The following PPP2R2C variants were observed in gnomAD, a reference collection of about 807,000 sequenced individuals.
PPP2R2C encodes the protein protein phosphatase 2 regulatory subunit Bgamma, also known as protein phosphatase 2, regulatory subunit B, gamma.
Under a neutral mutation model 45.3 loss-of-function variants are expected in PPP2R2C, and 10 were observed. The observed-to-expected ratio is 0.22, with a 90% CI of 0.14 to 0.37. The LOEUF is 0.37. Among genes scored for constraint, PPP2R2C ranks in the 10% least tolerant of loss-of-function variants. PPP2R2C has a pLI of 1.00. For synonymous variants in PPP2R2C, 257 were observed against 245.4 expected (o/e 1.05, Z -0.44); for missense variants, 308 against 619.7 (o/e 0.50, Z 5.34).
At chr4:6,480,328 T>C (rs934004860) in intron 2 of PPP2R2C, among the ~76,000 whole-genome samples, 1 of 152,214 alleles carries the variant, frequency 6.6e-6, no homozygotes, top group Non-Finnish European at 1.5e-5. Context: ...AAACAATCAA[T>C]GGTGTGCCGG....
rs1452730812 is a variant in PPP2R2C at position 6,329,675 on chromosome 4, T to C, written c.961-322A>G. Among the ~76,000 whole-genome samples the C allele has an allele frequency of 1.3e-5, 2 of 150,590 alleles. No individual in the cohort carries two copies. Among genetic ancestry groups the C allele is most frequent in the Non-Finnish European group, 1.5e-5 (1 of 67,856 alleles). On this transcript the variant is annotated intron_variant, in intron 7 of 8. Coordinates refer to ENST00000382599, the MANE Select transcript of PPP2R2C (RefSeq NM_020416.4). This position sits in a 1 kb window ranked among gnomAD's most constrained non-coding sequence, Gnocchi z 5.8. ...ACAGCCCAATACAGCCCTGCTCATCTTATCGGGGGCCCACGACCAGGCACA... is the reference window on the plus strand; with the variant it reads ...ACAGCCCAATACAGCCCTGCTCATCCTATCGGGGGCCCACGACCAGGCACA...
At chr4:6,374,269 C>T (rs1365173940) in intron 4 of PPP2R2C, among the ~76,000 whole-genome samples, 1 of 152,144 alleles carries the variant, frequency 6.6e-6, no homozygotes, top group Non-Finnish European at 1.5e-5. Context: ...TCTGTTTTCT[C>T]CAGGCGGCCT....
chr4:6,328,279 C>T lies in PPP2R2C; in HGVS notation c.1052+983G>A, dbSNP rs1732116105. Among the ~76,000 whole-genome samples, 1 of 152,174 alleles carries T rather than the reference C, an allele frequency of 6.6e-6. No individual in the cohort carries two copies. Among genetic ancestry groups the T allele is most frequent in the African/African-American group, 2.4e-5 (1 of 41,448 alleles). ...ACAGGTGGTATTCTGATCTAGCAGCCAGTGTAGTCTTTATCTCCACACTGT... is the reference window on the plus strand; with the variant it reads ...ACAGGTGGTATTCTGATCTAGCAGCTAGTGTAGTCTTTATCTCCACACTGT... On this transcript the variant is annotated intron_variant, in intron 8 of 8. Coordinates refer to ENST00000382599, the MANE Select transcript of PPP2R2C (RefSeq NM_020416.4). The surrounding 1 kb of genome is among the most constrained non-coding windows in gnomAD (Gnocchi z 4.4).
At chr4:6,509,375 A>G (rs771579040) in intron 2 of PPP2R2C, among the ~76,000 whole-genome samples, 1 of 152,184 alleles carries the variant, frequency 6.6e-6, no homozygotes, top group African/African-American at 2.4e-5. Context: ...CATGTCAAAG[A>G]TTTATTAGCT....
At chr4:6,562,474 G>GC (rs958760194) in intron 1 of PPP2R2C, among the ~76,000 whole-genome samples, 5 of 43,912 alleles carry the variant, frequency 1.1e-4, no homozygotes, top group Admixed American at 5.9e-4. Context: ...GAGTCGGGGG[G>GC]GGGGGTTGGA....
At chr4:6,449,707 C>T (rs965855463) in intron 1 of PPP2R2C, among the ~76,000 whole-genome samples, 4 of 152,256 alleles carry the variant, frequency 2.6e-5, no homozygotes, top group African/African-American at 9.6e-5. Flanking sequence ...GCCTGCCACC[C>T]TGGTCCCTGT....
rs577067719 is a variant in PPP2R2C at position 6,328,443 on chromosome 4, G to C, written c.1052+819C>G. ...AAACTCACAGATGGAGAGTAGGCTTGTCCATTTCAGAATCTTACGCCTGGC... is the reference window on the plus strand; with the variant it reads ...AAACTCACAGATGGAGAGTAGGCTTCTCCATTTCAGAATCTTACGCCTGGC... On this transcript the variant is annotated intron_variant, in intron 8 of 8. Transcript: ENST00000382599. This position sits in a 1 kb window ranked among gnomAD's most constrained non-coding sequence, Gnocchi z 4.4. 2.0e-4 allele frequency among the ~76,000 whole-genome samples: 30 copies of C among 152,298 alleles called. No homozygotes were observed. The highest frequency in any genetic ancestry group is 8.3e-4 in the South Asian group (4 of 4,824).
At chr4:6,375,975 G>A (rs779489369) in intron 3 of PPP2R2C, 44 bp from the exon 4 acceptor site, 1 of 1,511,934 alleles carries the variant, frequency 6.6e-7, no homozygotes, top group Non-Finnish European at 9.2e-7. Context: ...TAATTAAGCA[G>A]CCGGATGGAA....
rs1008452600 is a variant in PPP2R2C at position 6,535,615 on chromosome 4, G to A, written c.-58-238C>T. ...GGGGACGACACACCACCTTCCCCTCGGGCTATTTTGGCCCCAAATGGGGTT... is the reference window on the plus strand; with the variant it reads ...GGGGACGACACACCACCTTCCCCTCAGGCTATTTTGGCCCCAAATGGGGTT... On this transcript the variant is annotated intron_variant, in intron 1 of 9. Coordinates refer to the PPP2R2C transcript ENST00000506140. Among the ~76,000 whole-genome samples, 6 of 152,254 alleles carry A rather than the reference G, an allele frequency of 3.9e-5. No individual in the cohort carries two copies. The South Asian group carries it at 8.3e-4, about 21-fold the overall frequency.
In PPP2R2C at chr4:6,364,569, G is replaced by A. The variant is rs148664706; in HGVS notation, c.625+7954C>T. Among the ~76,000 whole-genome samples the A allele has an allele frequency of 2.0e-5, 3 of 152,182 alleles. No individual in the cohort carries two copies. The highest frequency in any genetic ancestry group is 3.9e-4 in the East Asian group (2 of 5,186). On this transcript the variant is annotated intron_variant, in intron 5 of 8. Coordinates refer to ENST00000382599, the MANE Select transcript of PPP2R2C (RefSeq NM_020416.4). This position sits in a 1 kb window ranked among gnomAD's most constrained non-coding sequence, Gnocchi z 5.3. ...TAATGAAGCAATGATGCTGCAGCTC[G>A]GTGATTTGCCAGGCACTGCCCTAAA...
intron 1 of PPP2R2C, among the ~76,000 whole-genome samples, chr4:6,535,781 C>T (rs891325280): frequency 6.6e-6 from 1 of 152,224 alleles, no homozygotes; most frequent in Non-Finnish European, 1.5e-5. Context: ...CCGCCCCACC[C>T]CATACAGGCC....
intron 5 of PPP2R2C, among the ~76,000 whole-genome samples, chr4:6,362,339 G>T (rs947916137): frequency 2.0e-5 from 3 of 152,160 alleles, no homozygotes; most frequent in Admixed American, 6.5e-5. Context: ...CAGGCCTGGG[G>T]TCAAGAGGAT....
intron 5 of PPP2R2C, among the ~76,000 whole-genome samples, chr4:6,360,380 G>A (rs1006613146): frequency 6.6e-6 from 1 of 152,232 alleles, no homozygotes; most frequent in African/African-American, 2.4e-5. Context: ...TCAGCAAGGG[G>A]GATGCTGGGT....
At chr4:6,482,984 A>G (rs527519349) in intron 2 of PPP2R2C, among the ~76,000 whole-genome samples, 1 of 9,904 alleles carries the variant, frequency 1.0e-4, no homozygotes, top group South Asian at 0.12. Flanking sequence ...TGTGGTATCT[A>G]TTAATAAGAA....
At chr4:6,366,660 G>A (rs1444304298) in intron 5 of PPP2R2C, among the ~76,000 whole-genome samples, 2 of 152,316 alleles carry the variant, frequency 1.3e-5, no homozygotes, top group South Asian at 4.1e-4. Context: ...CAGATAATGG[G>A]CTGTGAGATG....
intron 1 of PPP2R2C, among the ~76,000 whole-genome samples, chr4:6,407,695 C>T (rs1717892774): frequency 2.0e-5 from 3 of 152,156 alleles, no homozygotes; most frequent in Admixed American, 6.5e-5. Context: ...CCACTGAGCC[C>T]GGCCAAGAAA....
At chr4:6,393,168 G>T (rs577815724) in intron 1 of PPP2R2C, among the ~76,000 whole-genome samples, 1 of 151,816 alleles carries the variant, frequency 6.6e-6, no homozygotes, top group East Asian at 1.9e-4. Flanking sequence ...CATTCCCACC[G>T]CCCCAAAAAG....
chr4:6,404,782 G>A (rs905319870), intron 1 of PPP2R2C, among the ~76,000 whole-genome samples: 3 of 152,198 alleles, frequency 2.0e-5, no homozygotes, highest in Non-Finnish European at 4.4e-5. Flanking sequence ...GTGGATTCAG[G>A]GCACCCGCAA....
intron 5 of PPP2R2C, among the ~76,000 whole-genome samples, chr4:6,363,910 C>T (rs559205818): frequency 1.5e-4 from 23 of 152,326 alleles, no homozygotes; most frequent in Non-Finnish European, 2.6e-4. Flanking sequence ...GCCTCAGTGT[C>T]AATGCCTTTC....
Sources: allele counts gnomAD v4.1 joint callset (sites outside exome capture counted in the v4.1 genomes callset), GRCh38; gene constraint gnomAD v4.1.1; non-coding constraint Gnocchi (gnomAD v3.1); transcripts MANE v1.5; gene names NCBI Gene and HGNC (gene_info 2026-07-23, HGNC 2026-07-21).